The following BCAS3 variants were observed in gnomAD, a reference collection of about 807,000 sequenced individuals.
BCAS3 encodes the protein BCAS4/BCAS3 fusion.
In BCAS3, 53 loss-of-function variants were observed where a neutral mutation model predicts 116.1. The ratio of observed to expected loss-of-function variants is 0.46; its 90% CI spans 0.37 to 0.57. BCAS3 has a LOEUF of 0.57. BCAS3 is among the 20% of genes least tolerant of loss of function. BCAS3 has a pLI of 0.00. For synonymous variants in BCAS3, 391 were observed against 408.2 expected, an observed-to-expected ratio of 0.96 and a Z score of 0.51; for missense variants, 917 against 1,165.4, an observed-to-expected ratio of 0.79 and a Z score of 3.10.
intron 22 of BCAS3, among the ~76,000 whole-genome samples, chr17:61,232,059 G>A (rs2082714306): frequency 6.7e-6 from 1 of 149,026 alleles, no homozygotes; most frequent in Admixed American, 6.6e-5. Context: ...ACAAAAATTA[G>A]CTAGGCGTGA....
chr17:60,931,123 AGT>A (rs1478903184), intron 13 of BCAS3, among the ~76,000 whole-genome samples: 2 of 152,016 alleles, frequency 1.3e-5, no homozygotes, highest in Non-Finnish European at 2.9e-5. Context: ...CAAATATTTT[AGT>A]GGCAGCATTT....
In BCAS3 at chr17:60,799,698, T is replaced by TTTTTC. The variant is rs1487115585; in HGVS notation, c.404-8296_404-8292dup. Among the ~76,000 whole-genome samples the TTTTTC allele has an allele frequency of 3.4e-3, 452 of 133,242 alleles. 22 individuals carry two copies. The highest frequency in any genetic ancestry group is 0.014 in the African/African-American group (427 of 30,984). 87.4% of individuals were successfully genotyped at this position (133,242 alleles called of 152,430 possible). On this transcript the variant is annotated intron_variant, in intron 6 of 23. Coordinates refer to ENST00000407086, the MANE Select transcript of BCAS3 (RefSeq NM_017679.5). ...TGCGCGCCACTACGCCTGGCTAATT[T>TTTTTC]TTTTCTTTTCTTTTTTTTTTTTTTT...
At chr17:60,925,381 T>C (rs188314243) in intron 13 of BCAS3, among the ~76,000 whole-genome samples, 4 of 152,326 alleles carry the variant, frequency 2.6e-5, no homozygotes, top group Admixed American at 6.5e-5. Context: ...AGGAGACACA[T>C]TATTTTAGGT....
chr17:60,904,361 G>A lies in BCAS3; in HGVS notation c.822+1658G>A, dbSNP rs1372263069. On this transcript the variant is annotated intron_variant, in intron 11 of 23. Coordinates refer to ENST00000407086, the MANE Select transcript of BCAS3 (RefSeq NM_017679.5). The stretch of plus-strand genomic sequence containing the variant: ...GGAGGTTTCAGTGAGCTGAGATCAC[G>A]CCACTGTACTCCAGCCTGGGCGACA... Among the ~76,000 whole-genome samples, 10 of 152,060 alleles carry A rather than the reference G, an allele frequency of 6.6e-5. No individual in the cohort carries two copies. In the South Asian group the frequency reaches 1.5e-3, roughly 22 times the overall value.
chr17:60,959,783 G>A (rs763305884), intron 14 of BCAS3, among the ~76,000 whole-genome samples: 1 of 152,138 alleles, frequency 6.6e-6, no homozygotes, highest in Non-Finnish European at 1.5e-5. Context: ...GTTTTGGAGG[G>A]CAAAAATCTA....
Position 61,162,932 on chromosome 17 carries a change from T to G in BCAS3, c.2425+78368T>G, listed in dbSNP as rs2078248816. On this transcript the variant is annotated intron_variant, in intron 22 of 23. Transcript: ENST00000407086. The surrounding 1 kb of genome is among the most constrained non-coding windows in gnomAD (Gnocchi z 5.6). Reference sequence around the variant, plus strand: ...TATACATATATATCTTGCTTAAGTTTTATAGGTAATCCTGGAAGTTTAGTC... The same window carrying G: ...TATACATATATATCTTGCTTAAGTTGTATAGGTAATCCTGGAAGTTTAGTC... Among the ~76,000 whole-genome samples the G allele has an allele frequency of 6.6e-6, 1 of 152,220 alleles. No individual in the cohort carries two copies. The highest frequency in any genetic ancestry group is 1.5e-5 in the Non-Finnish European group (1 of 68,032).
At chr17:61,067,290 T>TATATATATAC (rs1419983048) in intron 19 of BCAS3, among the ~76,000 whole-genome samples, 1 of 124,980 alleles carries the variant, frequency 8.0e-6, no homozygotes, top group Non-Finnish European at 1.7e-5. Flanking sequence ...TATATATATA[T>TATATATATAC]ATATATATAT....
intron 22 of BCAS3, among the ~76,000 whole-genome samples, chr17:61,108,189 C>A (rs968202224): frequency 6.6e-6 from 1 of 152,090 alleles, no homozygotes; most frequent in African/African-American, 2.4e-5. Context: ...TGGTAATTTT[C>A]TTTTCTCTAA....
chr17:60,850,374 T>TTTTTGATTGG (rs2053002955), intron 7 of BCAS3, among the ~76,000 whole-genome samples: 1 of 135,688 alleles, frequency 7.4e-6, no homozygotes, highest in Non-Finnish European at 1.5e-5. Flanking sequence ...TTTTTTTTTT[T>TTTTTGATTGG]GAGATGGAGT....
chr17:60,692,070 G>C (rs1310740766), intron 4 of BCAS3, among the ~76,000 whole-genome samples: 1 of 151,206 alleles, frequency 6.6e-6, no homozygotes, highest in African/African-American at 2.4e-5. Flanking sequence ...AAAAAAAATG[G>C]AGAAACACAG....
At chr17:60,980,608 C>A (rs1427896961) in intron 14 of BCAS3, 1 of 150,260 alleles carries the variant, frequency 6.7e-6, no homozygotes, top group Non-Finnish European at 1.5e-5. Context: ...TCACAGCTCA[C>A]ACCAATCTTG....
In BCAS3 at chr17:61,156,977, G is replaced by A. The variant is rs1185244480; in HGVS notation, c.2425+72413G>A. The stretch of plus-strand genomic sequence containing the variant: ...GAGGCATCACTCTCCTATAAATTTA[G>A]TATTAAATTTCAAAATACGTATTTG... On this transcript the variant is annotated intron_variant, in intron 22 of 23. Coordinates refer to ENST00000407086, the MANE Select transcript of BCAS3 (RefSeq NM_017679.5). The surrounding 1 kb of genome is among the most constrained non-coding windows in gnomAD (Gnocchi z 4.7). Among the ~76,000 whole-genome samples the A allele has an allele frequency of 6.6e-6, 1 of 152,122 alleles. No individual in the cohort carries two copies. Among genetic ancestry groups the A allele is most frequent in the Non-Finnish European group, 1.5e-5 (1 of 68,012 alleles).
chr17:60,999,042 G>T (rs80296341), intron 15 of BCAS3, among the ~76,000 whole-genome samples: 4,501 of 152,158 alleles, frequency 0.03, 227 homozygotes, highest in African/African-American at 0.1. Flanking sequence ...TATATAGTTA[G>T]CCAGTTTCTC....
chr17:60,755,983 A>G (rs1450745158), intron 6 of BCAS3, among the ~76,000 whole-genome samples: 1 of 152,172 alleles, frequency 6.6e-6, no homozygotes. Context: ...GAAATATATA[A>G]TACATTGTTG....
intron 22 of BCAS3, among the ~76,000 whole-genome samples, chr17:61,297,586 G>T (rs1276992944): frequency 6.6e-6 from 1 of 152,170 alleles, no homozygotes; most frequent in Non-Finnish European, 1.5e-5. Context: ...CTAGACCCCT[G>T]TGGAAATAAG....
intron 22 of BCAS3, among the ~76,000 whole-genome samples, chr17:61,314,674 A>C (rs985736341): frequency 6.6e-6 from 1 of 152,228 alleles, no homozygotes; most frequent in Non-Finnish European, 1.5e-5. Context: ...AATTGCCTGA[A>C]GGGTTCCAAA....
rs2057529821 is a variant in BCAS3 at position 61,346,863 on chromosome 17, G to A, written c.2426-21464G>A. On this transcript the variant is annotated intron_variant, in intron 22 of 23. Transcript: ENST00000407086. This position sits in a 1 kb window ranked among gnomAD's most constrained non-coding sequence, Gnocchi z 5.4. ...GGTTCCTCATCCAGGGTGACTCCAG[G>A]AAGGCTTCCCAGAGGAGCTTGCACT... Among the ~76,000 whole-genome samples, 1 of 152,188 alleles carries A rather than the reference G, an allele frequency of 6.6e-6. No individual in the cohort carries two copies. The highest frequency in any genetic ancestry group is 2.4e-5 in the African/African-American group (1 of 41,444).
intron 22 of BCAS3, among the ~76,000 whole-genome samples, chr17:61,184,808 T>C (rs1312563685): frequency 6.6e-6 from 1 of 152,058 alleles, no homozygotes; most frequent in Non-Finnish European, 1.5e-5. Context: ...TTTCAAAGCA[T>C]TGTGCTAAGT....
chr17:60,768,809 T>G (rs916468839), intron 6 of BCAS3, among the ~76,000 whole-genome samples: 3 of 152,156 alleles, frequency 2.0e-5, no homozygotes, highest in African/African-American at 7.2e-5. Context: ...GGCACCAGTG[T>G]CAGCGGGCCT....
Sources: allele counts gnomAD v4.1 joint callset (sites outside exome capture counted in the v4.1 genomes callset), GRCh38; gene constraint gnomAD v4.1.1; non-coding constraint Gnocchi (gnomAD v3.1); transcripts MANE v1.5; gene names NCBI Gene and HGNC (gene_info 2026-07-23, HGNC 2026-07-21).